HNRNPUL2: variants seen among roughly 807,000 people sequenced by gnomAD.
HNRNPUL2 encodes the protein heterogeneous nuclear ribonucleoprotein U like 2.
In HNRNPUL2, 27 loss-of-function variants were observed where a neutral mutation model predicts 102.2. The ratio of observed to expected loss-of-function variants is 0.26; its 90% confidence interval spans 0.19 to 0.36. The LOEUF is 0.36. Ranked by LOEUF, HNRNPUL2 falls within the 10% of genes least tolerant of loss-of-function variation. The probability of loss-of-function intolerance (pLI) is 1.00; values close to 1 mark genes in which losing one functional copy is unlikely to be tolerated. For missense variants in HNRNPUL2, 936 were observed against 981.1 expected, an observed-to-expected ratio of 0.95 and a Z score of 0.61; for synonymous variants, 458 against 387.2, an observed-to-expected ratio of 1.18 and a Z score of -2.15.
In HNRNPUL2 at chr11:62,726,923, GTCC is replaced by G. The variant is rs1565165332; in HGVS notation, c.231_233del (p.Glu77del). On this transcript the variant is annotated inframe_deletion, in exon 1 of 14. Coordinates refer to ENST00000301785, the MANE Select transcript of HNRNPUL2 (RefSeq NM_001079559.3). Reference sequence around the variant, plus strand: ...CCTCGTCCTCCTCCTCCTCCTCTTCGTCCTCCTCCTCGTCCCCGCCCGGGCCGC... The same window carrying G: ...CCTCGTCCTCCTCCTCCTCCTCTTCGTCCTCCTCGTCCCCGCCCGGGCCGC... 1.3e-6 allele frequency: 2 copies of G among 1,523,246 alleles called. No individual in the cohort carries two copies. Among genetic ancestry groups the G allele is most frequent in the Admixed American group, 4.0e-5 (2 of 49,792 alleles). The allele number at this position is 1,523,246 out of a possible 1,614,324, so 94.4% of individuals were successfully genotyped here. A position where few individuals can be genotyped will look rare whatever the true frequency, so the allele number is the denominator to read the frequency against.
Position 62,715,934 on chromosome 11 carries a change from C to T in HNRNPUL2, c.1985G>A (p.Gly662Asp). The T allele has an allele frequency of 1.3e-6, 2 of 1,600,004 alleles. No individual in the cohort carries two copies. The highest frequency in any genetic ancestry group is 1.7e-6 in the Non-Finnish European group (2 of 1,172,142). The change falls in exon 12 of 14, where the codon GGC (glycine) becomes GAC (aspartate). Residue 662 changes from glycine to aspartate, a missense_variant. Gly to Asp is a moderately conservative substitution (Grantham distance 94). Coordinates refer to ENST00000301785, the MANE Select transcript of HNRNPUL2 (RefSeq NM_001079559.3). The part of the protein sequence containing the change: ...QNRSRGQGYV[G>D]GQRRGYDNRA... Reference sequence around the variant, plus strand: ...GTTGTCGTAGCCTCGGCGCTGCCCGCCCACTGGAAGAGAAATGGAGAGCGC... The same window carrying T: ...GTTGTCGTAGCCTCGGCGCTGCCCGTCCACTGGAAGAGAAATGGAGAGCGC...
intron 1 of HNRNPUL2, among the ~76,000 whole-genome samples, chr11:62,725,261 G>T (rs2083736417): frequency 6.6e-6 from 1 of 152,118 alleles, no homozygotes. Context: ...GTAGTGGCGC[G>T]ATCTCAGCTC....
Position 62,727,352 on chromosome 11 carries a change from C to T in HNRNPUL2, c.-196G>A. Reference sequence around the variant, plus strand: ...CGCAGTGTTTGCTTCTCCTTCGTCTCCCCTCCCCCTTTCGGCTCACGGAGC... The same window carrying T: ...CGCAGTGTTTGCTTCTCCTTCGTCTTCCCTCCCCCTTTCGGCTCACGGAGC... On this transcript the variant is annotated 5_prime_UTR_variant, in exon 1 of 14. Transcript: ENST00000301785. 1.6e-6 allele frequency: 1 copy of T among 615,596 alleles called. No individual in the cohort carries two copies. The highest frequency in any genetic ancestry group is 4.1e-5 in the East Asian group (1 of 24,190). 38.1% of individuals were successfully genotyped at this position (615,596 alleles called of 1,614,324 possible).
Position 62,723,719 on chromosome 11 carries a change from C to T in HNRNPUL2, c.759G>A (p.Ser253=), listed in dbSNP as rs1470032661. The T allele has an allele frequency of 6.2e-6, 10 of 1,614,078 alleles. No individual in the cohort carries two copies. The highest frequency in any genetic ancestry group is 2.2e-5 in the South Asian group (2 of 91,064). The change falls in exon 4 of 14, where the codon TCG becomes TCA. Residue 253 remains serine (S), a synonymous_variant. Coordinates refer to ENST00000301785, the MANE Select transcript of HNRNPUL2 (RefSeq NM_001079559.3). ...QTLVNLDTYT[S]DLHFQVSKDR... is the part of the protein sequence containing the mutation. ...CTTTGCTCACTTGAAAATGCAGATC[C>T]GAGGTATCTGTAAAGAAAGAAGCAA...
At chr11:62,722,445 AT>A in intron 6 of HNRNPUL2, 65 bp from the exon 7 acceptor site, 1 of 1,560,210 alleles carries the variant, frequency 6.4e-7, no homozygotes. Context: ...AAACTTTACA[AT>A]TTATTCTTTT....
intron 11 of HNRNPUL2, 109 bp downstream of exon 11, chr11:62,716,880 G>T: frequency 1.9e-6 from 2 of 1,068,596 alleles, no homozygotes; most frequent in Non-Finnish European, 2.8e-6. Flanking sequence ...AGGCACTTCC[G>T]TATTGTTAAT....
chr11:62,727,383 A>C lies in HNRNPUL2; in HGVS notation c.-227T>G, dbSNP rs1000826593. 8.6e-6 allele frequency: 4 copies of C among 463,226 alleles called. No individual in the cohort carries two copies. In the East Asian group the frequency reaches 1.8e-4, roughly 21 times the overall value. 28.7% of individuals were successfully genotyped at this position (463,226 alleles called of 1,614,324 possible). A position where few individuals can be genotyped will look rare whatever the true frequency, so the allele number is the denominator to read the frequency against. On this transcript the variant is annotated 5_prime_UTR_variant, in exon 1 of 14. Coordinates refer to ENST00000301785, the MANE Select transcript of HNRNPUL2 (RefSeq NM_001079559.3). ...CCCCTTTCGGCTCACGGAGCCCAAA[A>C]CAACGCAGCAGGGAGCTGTTTCCCC...
chr11:62,723,971 G>C lies in HNRNPUL2; in HGVS notation c.694C>G (p.Pro232Ala), dbSNP rs201284933. 2.5e-5 allele frequency: 40 copies of C among 1,613,924 alleles called. No homozygotes were observed. The highest frequency in any genetic ancestry group is 3.2e-5 in the Non-Finnish European group (38 of 1,179,842). Residue 232 changes from proline (P) to alanine (A), a missense_variant, in exon 3 of 14, where the codon CCT (proline) becomes GCT (alanine). Transcript: ENST00000301785. The stretch of plus-strand genomic sequence containing the variant: ...TCCTCATCTTTTGCCTCTTCTTCAG[G>C]AGGCAGTGGAGACTTTGAGCTATAT... ...YHSRSKSPLP[P>A]EEEAKDEEED...
In HNRNPUL2 at chr11:62,715,390, G is replaced by A. The variant is rs923603418; in HGVS notation, c.2164-11C>T. On this transcript the variant is annotated splice_polypyrimidine_tract_variant and intron_variant, in intron 13 of 13. Coordinates refer to ENST00000301785, the MANE Select transcript of HNRNPUL2 (RefSeq NM_001079559.3). ...GTAGTAACTCTGCCACTAGAAGAGA[G>A]GGAAACCCCATCACTTGGAGCCAGA... is the stretch of plus-strand genomic sequence containing the variant. 4 of 1,611,632 alleles carry A rather than the reference G, an allele frequency of 2.5e-6. No homozygotes were observed. The highest frequency in any genetic ancestry group is 1.1e-5 in the South Asian group (1 of 90,986).
At position 62,723,742 on chromosome 11, in the gene HNRNPUL2, C is replaced by G; in HGVS notation, c.752-16G>C. Reference sequence around the variant, plus strand: ...TCCGAGGTATCTGTAAAGAAAGAAGCAATCAGTTTACTCCAATGTCCAATA... The same window carrying G: ...TCCGAGGTATCTGTAAAGAAAGAAGGAATCAGTTTACTCCAATGTCCAATA... On this transcript the variant is annotated splice_polypyrimidine_tract_variant and intron_variant, in intron 3 of 13. Coordinates refer to ENST00000301785, the MANE Select transcript of HNRNPUL2 (RefSeq NM_001079559.3). 1 of 1,613,986 alleles carries G rather than the reference C, an allele frequency of 6.2e-7. No homozygotes were observed. The highest frequency in any genetic ancestry group is 8.5e-7 in the Non-Finnish European group (1 of 1,179,928).
At chr11:62,725,149 A>C (rs1365547066) in intron 1 of HNRNPUL2, among the ~76,000 whole-genome samples, 2 of 152,226 alleles carry the variant, frequency 1.3e-5, no homozygotes, top group Admixed American at 1.3e-4. Context: ...GTATTTTGCA[A>C]CACTAGGAAG....
Position 62,717,119 on chromosome 11 carries a change from T to C in HNRNPUL2, c.1851A>G (p.Glu617=), listed in dbSNP as rs371223625. 5.5e-5 allele frequency: 88 copies of C among 1,614,068 alleles called. No individual in the cohort carries two copies. In the African/African-American group the frequency reaches 1.1e-3, roughly 20 times the overall value. The change falls in exon 11 of 14, where the codon GAA becomes GAG. Residue 617 remains glutamate, a synonymous_variant. Coordinates refer to ENST00000301785, the MANE Select transcript of HNRNPUL2 (RefSeq NM_001079559.3). The part of the protein sequence containing the change: ...EVTYGELEKE[E]AQPIVTKYKE... The stretch of plus-strand genomic sequence containing the variant: ...TGTACTTAGTGACAATGGGCTGAGC[T>C]TCCTCCTTCTCCAGCTCCCCATATG...
chr11:62,713,090 C>CA lies in HNRNPUL2; in HGVS notation c.*2208dup, dbSNP rs2083631756. On this transcript the variant is annotated 3_prime_UTR_variant, in exon 14 of 14. Transcript: ENST00000301785. ...TTCACTTTCCACCCACCTAGAAAAA[C>CA]AGTTTTGTAAAAAAGATTACTTTCT... The CA allele has an allele frequency of 1.3e-5, 2 of 152,168 alleles. No homozygotes were observed. Among genetic ancestry groups the CA allele is most frequent in the Admixed American group, 1.3e-4 (2 of 15,276 alleles). 9.4% of individuals were successfully genotyped at this position (152,168 alleles called of 1,614,324 possible).
chr11:62,722,562 C>T lies in HNRNPUL2; in HGVS notation c.1095+39G>A, dbSNP rs142951332. The T allele has an allele frequency of 4.4e-5, 68 of 1,533,002 alleles. No homozygotes were observed. In the East Asian group the frequency reaches 6.3e-4, roughly 14 times the overall value. 95.0% of individuals were successfully genotyped at this position (1,533,002 alleles called of 1,614,324 possible). A position where few individuals can be genotyped will look rare whatever the true frequency, so the allele number is the denominator to read the frequency against. On this transcript the variant is annotated intron_variant, in intron 6 of 13. Coordinates refer to ENST00000301785, the MANE Select transcript of HNRNPUL2 (RefSeq NM_001079559.3). ...AAGTGAATTCCCAGTGCCCTCTATC[C>T]GCTCCTTGTTATAACCCACAACTTT... is the stretch of plus-strand genomic sequence containing the variant.
intron 9 of HNRNPUL2, 39 bp downstream of exon 9, chr11:62,721,256 A>G (rs1327367591): frequency 1.3e-6 from 2 of 1,573,110 alleles, no homozygotes; most frequent in Admixed American, 1.9e-5. Context: ...TTATATACAC[A>G]TCCCACCTTG....
At chr11:62,726,031 T>C (rs1762851190) in intron 1 of HNRNPUL2, among the ~76,000 whole-genome samples, 1 of 152,134 alleles carries the variant, frequency 6.6e-6, no homozygotes, top group South Asian at 2.1e-4. Context: ...ATGAACTAGA[T>C]TAAGATTTTT....
intron 1 of HNRNPUL2, among the ~76,000 whole-genome samples, chr11:62,725,052 C>T (rs1351006606): frequency 1.3e-5 from 2 of 152,212 alleles, no homozygotes; most frequent in African/African-American, 2.4e-5. Flanking sequence ...CGCATCTAGA[C>T]TGCACATTTG....
chr11:62,727,185 C>A lies in HNRNPUL2; in HGVS notation c.-29G>T. On this transcript the variant is annotated 5_prime_UTR_variant, in exon 1 of 14. Transcript: ENST00000301785. ...CGCCGCCGCCTCCTCCGCCTCCCGC[C>A]GCCTCCTCCCCTGCGAACCGTCGAC... The A allele has an allele frequency of 7.1e-7, 1 of 1,405,052 alleles. No individual in the cohort carries two copies. The highest frequency in any genetic ancestry group is 9.3e-7 in the Non-Finnish European group (1 of 1,079,494). 87.0% of individuals were successfully genotyped at this position (1,405,052 alleles called of 1,614,324 possible).
chr11:62,715,702 A>G (rs1229879199), intron 12 of HNRNPUL2, 95 bp from the exon 13 acceptor site: 8 of 1,128,294 alleles, frequency 7.1e-6, no homozygotes, highest in East Asian at 4.7e-5. Flanking sequence ...TCTTAGCTCG[A>G]TATTATAAAT....
Sources: gnomAD v4.1 joint callset for allele counts (sites outside exome capture counted in the v4.1 genomes callset) on GRCh38, gnomAD v4.1.1 for gene constraint, MANE v1.5 for transcripts, NCBI Gene and HGNC (gene_info 2026-07-23, HGNC 2026-07-21) for gene names.